Variants in TMCC3 observed in about 807,000 individuals in gnomAD.
The protein encoded by TMCC3 is transmembrane and coiled-coil domain protein 3.
TMCC3 carries 28 observed loss-of-function variants against 40.2 expected under a neutral mutation model. The ratio of observed to expected loss-of-function variants is 0.70; its 90% confidence interval spans 0.52 to 0.95. The LOEUF (loss-of-function observed/expected upper bound fraction) is 0.95. Among genes scored for constraint, TMCC3 ranks in the 40% least tolerant of loss-of-function variants. The probability of loss-of-function intolerance (pLI) is 0.00; values close to 1 mark genes in which losing one functional copy is unlikely to be tolerated. For missense variants in TMCC3, 554 were observed against 615.2 expected, an observed-to-expected ratio of 0.90 and a Z score of 1.05; for synonymous variants, 255 against 248.5, an observed-to-expected ratio of 1.03 and a Z score of -0.25.
intron 1 of TMCC3, among the ~76,000 whole-genome samples, chr12:94,591,945 C>T (rs2068678566): frequency 1.3e-5 from 2 of 152,126 alleles, no homozygotes; most frequent in Non-Finnish European, 2.9e-5. Flanking sequence ...AAAATAACTC[C>T]AGGGGCTGGA....
chr12:94,600,985 C>T (rs2068748967), intron 1 of TMCC3, among the ~76,000 whole-genome samples: 1 of 152,180 alleles, frequency 6.6e-6, no homozygotes, highest in South Asian at 2.1e-4. Flanking sequence ...CTGAATGAGA[C>T]ATCCAAGAAA....
intron 1 of TMCC3, among the ~76,000 whole-genome samples, chr12:94,596,297 G>A (rs1331194586): frequency 6.6e-6 from 1 of 152,190 alleles, no homozygotes; most frequent in African/African-American, 2.4e-5. Context: ...AAGTTATGGT[G>A]ACAGCTAAGA....
intron 1 of TMCC3, among the ~76,000 whole-genome samples, chr12:94,620,034 G>A (rs937179458): frequency 8.6e-5 from 13 of 151,930 alleles, no homozygotes; most frequent in Admixed American, 6.6e-5. Context: ...GTGGTGGCGG[G>A]TGCATGTAAT....
At chr12:94,619,564 C>T (rs1373445895) in intron 1 of TMCC3, among the ~76,000 whole-genome samples, 1 of 152,150 alleles carries the variant, frequency 6.6e-6, no homozygotes, top group East Asian at 1.9e-4. Context: ...CCCAGGAATC[C>T]TTCTGAAAAT....
At chr12:94,625,096 T>C (rs918399904) in intron 1 of TMCC3, among the ~76,000 whole-genome samples, 1 of 146,634 alleles carries the variant, frequency 6.8e-6, no homozygotes, top group Non-Finnish European at 1.5e-5. Context: ...GAGCCGAGAT[T>C]GCACCATTGC....
intron 1 of TMCC3, among the ~76,000 whole-genome samples, chr12:94,615,571 C>T (rs1273153943): frequency 1.3e-5 from 2 of 152,202 alleles, no homozygotes; most frequent in Non-Finnish European, 2.9e-5. Flanking sequence ...CCCGGGGTTA[C>T]TTTCGAACTC....
intron 1 of TMCC3, among the ~76,000 whole-genome samples, chr12:94,647,417 GTT>G (rs1318422580): frequency 6.6e-6 from 1 of 152,168 alleles, no homozygotes. Context: ...TAGTTTCCCT[GTT>G]ATCTCAACAG....
chr12:94,637,133 A>G (rs2068964784), intron 1 of TMCC3, among the ~76,000 whole-genome samples: 3 of 152,242 alleles, frequency 2.0e-5, no homozygotes, highest in Admixed American at 6.5e-5. Flanking sequence ...AATCTATGTA[A>G]AAGACCAACA....
rs759125795 is a variant in TMCC3, at chr12:94,567,389, T to G, written c.*4046A>C. On this transcript the variant is annotated 3_prime_UTR_variant, in exon 4 of 4. Transcript: ENST00000261226. ...AAACATATCTTAAACACAGAGCACGTTTTGTTGAAATATTTCTCTTAGGAC... is the reference window on the plus strand; with the variant it reads ...AAACATATCTTAAACACAGAGCACGGTTTGTTGAAATATTTCTCTTAGGAC... 7.2e-5 allele frequency: 11 copies of G among 152,232 alleles called. No homozygotes were observed. Among genetic ancestry groups the G allele is most frequent in the Non-Finnish European group, 1.2e-4 (8 of 68,048 alleles). 9.4% of individuals were successfully genotyped at this position (152,232 alleles called of 1,614,324 possible).
chr12:94,598,816 G>A, intron 1 of TMCC3: 1 of 953,876 alleles, frequency 1.0e-6, no homozygotes, highest in Non-Finnish European at 1.2e-6. Flanking sequence ...AAACGACAAA[G>A]AAATAAAACA....
chr12:94,610,154 C>G (rs2068807128), intron 1 of TMCC3: 1 of 152,156 alleles, frequency 6.6e-6, no homozygotes, highest in Non-Finnish European at 1.5e-5. Flanking sequence ...GAAAACTCCC[C>G]CATCCAAATA....
intron 1 of TMCC3, chr12:94,616,195 T>A (rs973353990): frequency 1.5e-6 from 1 of 688,128 alleles, no homozygotes; most frequent in Non-Finnish European, 1.8e-6. Context: ...GGGCTCTTTG[T>A]GCAGTCAGCA....
At chr12:94,587,060 A>C (rs2068642538) in intron 1 of TMCC3, among the ~76,000 whole-genome samples, 1 of 152,146 alleles carries the variant, frequency 6.6e-6, no homozygotes, top group African/African-American at 2.4e-5. Context: ...CTGAACACAA[A>C]CTGAAATTAC....
At position 94,586,148 on chromosome 12, in the gene TMCC3, G is replaced by T. The variant is rs76302032; in HGVS notation, c.79-3610C>A. Among the ~76,000 whole-genome samples the T allele has an allele frequency of 7.1e-3, 1,088 of 152,300 alleles. 34 individuals are homozygous for T. The South Asian group carries it at 0.11, about 15-fold the overall frequency. On this transcript the variant is annotated intron_variant, in intron 1 of 3. Transcript: ENST00000261226. ...TTTGAAACTGATTCAACTAAACAGA[G>T]ATTTTTTTCCGAGTATCAATGTGCA...
rs1429776266 is a variant in TMCC3, at chr12:94,641,767, C to A, written c.78+8586G>T. The stretch of plus-strand genomic sequence containing the variant: ...TGGGTTGAATTCTAAGTCAAACGCA[C>A]AGATGATGAGCTCCATGGCTTATGC... On this transcript the variant is annotated intron_variant, in intron 1 of 3. Transcript: ENST00000261226. Among the ~76,000 whole-genome samples, 4 of 152,106 alleles carry A rather than the reference C, an allele frequency of 2.6e-5. No homozygotes were observed. The South Asian group carries it at 6.2e-4, about 24-fold the overall frequency.
At chr12:94,624,182 G>A (rs1264427322) in intron 1 of TMCC3, among the ~76,000 whole-genome samples, 2 of 152,144 alleles carry the variant, frequency 1.3e-5, no homozygotes, top group Non-Finnish European at 2.9e-5. Context: ...CACTGGTAGT[G>A]GGAATATAAA....
rs138033056 is a variant in TMCC3, at chr12:94,568,756, C to A, written c.*2679G>T. The A allele has an allele frequency of 2.6e-3, 392 of 152,176 alleles. 4 individuals are homozygous for A. Among genetic ancestry groups the A allele is most frequent in the African/African-American group, 8.7e-3 (362 of 41,504 alleles). 9.4% of individuals were successfully genotyped at this position (152,176 alleles called of 1,614,324 possible). On this transcript the variant is annotated 3_prime_UTR_variant, in exon 4 of 4. Coordinates refer to ENST00000261226, the MANE Select transcript of TMCC3 (RefSeq NM_020698.4). ...GTTTCATGAACTTTCAACAAGACTG[C>A]AAAATAAATATGCCAGGTAGGTTGA...
chr12:94,615,984 C>T, intron 1 of TMCC3: 3 of 985,356 alleles, frequency 3.0e-6, no homozygotes, highest in Non-Finnish European at 2.4e-6. Flanking sequence ...CCCTCCTGCC[C>T]GAGGCATTTG....
At chr12:94,624,839 G>A (rs2068894835) in intron 1 of TMCC3, among the ~76,000 whole-genome samples, 1 of 151,428 alleles carries the variant, frequency 6.6e-6, no homozygotes, top group African/African-American at 2.4e-5. Flanking sequence ...TTTCTGAGCT[G>A]ATGAAAATGT....
Sources: gnomAD v4.1 joint callset for allele counts (sites outside exome capture counted in the v4.1 genomes callset) on GRCh38, gnomAD v4.1.1 for gene constraint, MANE v1.5 for transcripts, NCBI Gene and HGNC (gene_info 2026-07-23, HGNC 2026-07-21) for gene names.